The following CLYBL variants were observed in gnomAD, a reference collection of about 807,000 sequenced individuals.
The protein encoded by CLYBL is citramalyl-CoA lyase.
Under a neutral mutation model 38.9 loss-of-function variants are expected in CLYBL, and 31 were observed. That is an observed-to-expected ratio of 0.80 (90% CI 0.60 to 1.08). The LOEUF (loss-of-function observed/expected upper bound fraction) is 1.08, where lower values mean the gene tolerates loss of function less well. Ranked by LOEUF, CLYBL falls within the 50% of genes least tolerant of loss-of-function variation. The probability of loss-of-function intolerance (pLI) is 0.00; values close to 1 mark genes in which losing one functional copy is unlikely to be tolerated. For synonymous variants in CLYBL, 171 were observed against 158.6 expected, an observed-to-expected ratio of 1.08 and a Z score of -0.59; for missense variants, 434 against 411.6, an observed-to-expected ratio of 1.05 and a Z score of -0.47.
At position 99,625,128 on chromosome 13, in the gene CLYBL, G is replaced by A. The variant is rs559219783; in HGVS notation, c.62+18371G>A. Among the ~76,000 whole-genome samples the A allele has an allele frequency of 2.6e-5, 4 of 152,280 alleles. No homozygotes were observed. The East Asian group carries it at 7.7e-4, about 29-fold the overall frequency. ...GGTTCATCACCTTGGCCTGTCTTGG[G>A]CGGAGTCCCCGACTTGGGAGTTGTG... On this transcript the variant is annotated intron_variant, in intron 1 of 8. Coordinates refer to ENST00000339105, the MANE Select transcript of CLYBL (RefSeq NM_206808.5).
intron 7 of CLYBL, among the ~76,000 whole-genome samples, chr13:99,879,881 T>C (rs1005095130): frequency 1.3e-5 from 2 of 152,002 alleles, no homozygotes; most frequent in African/African-American, 4.8e-5. Flanking sequence ...GCAGTAACCA[T>C]GTGTGCCGTG....
chr13:99,834,907 T>G (rs7322341), intron 2 of CLYBL, among the ~76,000 whole-genome samples: 3,066 of 152,318 alleles, frequency 0.02, 95 homozygotes, highest in African/African-American at 0.065. Flanking sequence ...GTGATCGAGA[T>G]CCTAAGCAAA....
At chr13:99,665,157 T>C (rs1399652516) in intron 1 of CLYBL, among the ~76,000 whole-genome samples, 3 of 151,868 alleles carry the variant, frequency 2.0e-5, no homozygotes, top group Non-Finnish European at 4.4e-5. Context: ...TTAAGTGGCA[T>C]AAGTATTTGT....
At chr13:99,896,901 C>A (rs1434309190), downstream of CLYBL, 1 of 152,206 alleles carries the variant, frequency 6.6e-6, no homozygotes, top group African/African-American at 2.4e-5. Context: ...TTTAGTCATT[C>A]AACAGACACC....
chr13:99,797,556 C>CTCTGTGTGTG lies in CLYBL; in HGVS notation c.249+24547_249+24548insCTGTGTGTGT, dbSNP rs775220789. On this transcript the variant is annotated intron_variant, in intron 2 of 8. Transcript: ENST00000339105. ...AAGATTTCTGTGTCTGCCATGTTAG[C>CTCTGTGTGTG]TGTTTGTGTGTGTGTGTGTGTGTGT... Among the ~76,000 whole-genome samples, 152 of 37,512 alleles carry CTCTGTGTGTG rather than the reference C, an allele frequency of 4.1e-3. 1 individual carries two copies. The highest frequency in any genetic ancestry group is 0.015 in the Middle Eastern group (1 of 66). The allele number at this position is 37,512 out of a possible 152,430, so 24.6% of individuals were successfully genotyped here. A position where few individuals can be genotyped will look rare whatever the true frequency, so the allele number is the denominator to read the frequency against.
At chr13:99,836,160 T>C (rs1157127329) in intron 2 of CLYBL, among the ~76,000 whole-genome samples, 1 of 151,970 alleles carries the variant, frequency 6.6e-6, no homozygotes, top group East Asian at 1.9e-4. Context: ...CTTCCAGCCG[T>C]GAGTATGAGG....
intron 7 of CLYBL, among the ~76,000 whole-genome samples, chr13:99,882,497 A>G (rs1361942798): frequency 6.6e-6 from 1 of 152,076 alleles, no homozygotes; most frequent in Admixed American, 6.5e-5. Flanking sequence ...TCTACTAAAA[A>G]TACAAAAAGT....
chr13:99,727,252 A>G (rs916271594), intron 1 of CLYBL: 2 of 151,968 alleles, frequency 1.3e-5, no homozygotes, highest in African/African-American at 4.8e-5. Flanking sequence ...TTTGAAGCCT[A>G]ATTGCAGGTA....
At chr13:99,908,680 G>C (rs943904873) in exon 10 of CLYBL, among the ~76,000 whole-genome samples, 3 of 152,190 alleles carry the variant, frequency 2.0e-5, no homozygotes, top group Non-Finnish European at 4.4e-5. Context: ...TAGTAGTACT[G>C]TTTGTAGAAC....
intron 2 of CLYBL, among the ~76,000 whole-genome samples, chr13:99,847,015 A>AG (rs1426954027): frequency 6.6e-6 from 1 of 152,180 alleles, no homozygotes; most frequent in African/African-American, 2.4e-5. Context: ...ATCTGTGTGA[A>AG]GGGGACAATT....
At chr13:99,863,214 A>C (rs2051652764) in intron 4 of CLYBL, 122 bp downstream of exon 4, 1 of 533,720 alleles carries the variant, frequency 1.9e-6, no homozygotes, top group African/African-American at 2.0e-5. Flanking sequence ...AGCAAAGGAA[A>C]TGTTGAGCAC....
intron 2 of CLYBL, among the ~76,000 whole-genome samples, chr13:99,833,030 A>ATATATATATATT (rs1555314878): frequency 2.8e-5 from 1 of 35,870 alleles, no homozygotes. Flanking sequence ...ATATATATAT[A>ATATATATATATT]TTTTTTTTTT....
intron 1 of CLYBL, among the ~76,000 whole-genome samples, chr13:99,650,766 CCT>C (rs758959334): frequency 2.4e-4 from 37 of 152,158 alleles, no homozygotes; most frequent in Non-Finnish European, 4.7e-4. Flanking sequence ...CTGGGACTCT[CCT>C]CTCTCCTGTC....
At chr13:99,770,729 G>A (rs1162025987) in intron 1 of CLYBL, among the ~76,000 whole-genome samples, 1 of 151,926 alleles carries the variant, frequency 6.6e-6, no homozygotes, top group Non-Finnish European at 1.5e-5. Flanking sequence ...TTAACTGGCA[G>A]TTATTTTTTT....
intron 1 of CLYBL, among the ~76,000 whole-genome samples, chr13:99,624,316 G>T (rs2139213415): frequency 6.6e-6 from 1 of 152,222 alleles, no homozygotes; most frequent in East Asian, 1.9e-4. Flanking sequence ...ATTCTTGAAT[G>T]ACTGCATCAT....
intron 2 of CLYBL, among the ~76,000 whole-genome samples, chr13:99,782,148 C>G (rs1023642262): frequency 5.7e-4 from 86 of 152,088 alleles, no homozygotes; most frequent in African/African-American, 2.0e-3. Context: ...TCAGGTGCAA[C>G]TTTCAGAATT....
At chr13:99,880,264 C>T (rs1286634670) in intron 7 of CLYBL, among the ~76,000 whole-genome samples, 4 of 151,744 alleles carry the variant, frequency 2.6e-5, no homozygotes, top group Non-Finnish European at 4.4e-5. Context: ...GGGGTTTCAC[C>T]ATGTTGGCCA....
At chr13:99,726,361 C>T (rs1270579871) in intron 1 of CLYBL, 2 of 152,202 alleles carry the variant, frequency 1.3e-5, no homozygotes, top group Admixed American at 6.5e-5. Context: ...GCGGAAACAC[C>T]TAACTATCCT....
intron 2 of CLYBL, among the ~76,000 whole-genome samples, chr13:99,816,192 C>G (rs1390700483): frequency 6.6e-6 from 1 of 152,164 alleles, no homozygotes; most frequent in Non-Finnish European, 1.5e-5. Context: ...TTGGCATAAA[C>G]AACAGTCACC....
Sources: gnomAD v4.1 joint callset for allele counts (sites outside exome capture counted in the v4.1 genomes callset) on GRCh38, gnomAD v4.1.1 for gene constraint, MANE v1.5 for transcripts, NCBI Gene and HGNC (gene_info 2026-07-23, HGNC 2026-07-21) for gene names.